Variants in CAPN13 observed in about 807,000 individuals in gnomAD.
CAPN13 encodes calpain-13.
Under a neutral mutation model 98.4 loss-of-function variants are expected in CAPN13, and 90 were observed. The ratio of observed to expected loss-of-function variants is 0.92; its 90% confidence interval spans 0.77 to 1.09. The LOEUF is 1.09. Ranked by LOEUF, CAPN13 falls within the 50% of genes least tolerant of loss-of-function variation. The pLI is 0.00. For synonymous variants in CAPN13, 330 were observed against 305.5 expected, an observed-to-expected ratio of 1.08 and a Z score of -0.84; for missense variants, 887 against 841.3, an observed-to-expected ratio of 1.05 and a Z score of -0.67.
intron 7 of CAPN13, among the ~76,000 whole-genome samples, chr2:30,760,001 T>C (rs897149514): frequency 6.6e-6 from 1 of 152,222 alleles, no homozygotes; most frequent in Non-Finnish European, 1.5e-5. Context: ...TGACTTGCAA[T>C]GCCTCCAAGA....
intron 14 of CAPN13, 21 bp downstream of exon 14, chr2:30,742,305 C>G (rs986068157): frequency 3.8e-6 from 6 of 1,598,566 alleles, no homozygotes; most frequent in Admixed American, 3.5e-5. Flanking sequence ...GCTCGCCAGC[C>G]AAACCTTGCT....
chr2:30,770,499 C>T (rs1312018052), intron 4 of CAPN13, 50 bp from the exon 5 acceptor site: 5 of 1,594,312 alleles, frequency 3.1e-6, no homozygotes, highest in South Asian at 1.1e-5. Context: ...CAGAAGGGAG[C>T]TCCTGGGTCC....
At chr2:30,805,922 A>T (rs754741461) in intron 1 of CAPN13, among the ~76,000 whole-genome samples, 5 of 151,634 alleles carry the variant, frequency 3.3e-5, no homozygotes, top group Non-Finnish European at 5.9e-5. Context: ...ACATGTAGCT[A>T]ATATTTTTTC....
intron 12 of CAPN13, among the ~76,000 whole-genome samples, chr2:30,744,374 C>T (rs1671806446): frequency 6.6e-6 from 1 of 152,202 alleles, no homozygotes; most frequent in African/African-American, 2.4e-5. Context: ...GGGAGGGTGG[C>T]ATCTCCAACG....
At chr2:30,729,842 T>C (rs1670998522) in intron 22 of CAPN13, 1 of 152,140 alleles carries the variant, frequency 6.6e-6, no homozygotes, top group South Asian at 2.1e-4. Flanking sequence ...AAGAACTGTA[T>C]ACTTCGAAGG....
At chr2:30,769,724 C>T (rs1419300809) in intron 5 of CAPN13, among the ~76,000 whole-genome samples, 1 of 152,174 alleles carries the variant, frequency 6.6e-6, no homozygotes, top group Non-Finnish European at 1.5e-5. Flanking sequence ...AAAGGCAGTT[C>T]CTAAGTTATG....
chr2:30,740,397 T>C (rs1395059002), intron 15 of CAPN13, among the ~76,000 whole-genome samples: 1 of 152,152 alleles, frequency 6.6e-6, no homozygotes, highest in African/African-American at 2.4e-5. Flanking sequence ...CCGGCAACCA[T>C]TGTATTAGTT....
chr2:30,801,202 T>G (rs1487552348), intron 1 of CAPN13, among the ~76,000 whole-genome samples: 2 of 152,182 alleles, frequency 1.3e-5, no homozygotes, highest in African/African-American at 4.8e-5. Flanking sequence ...TCTTTTTCCT[T>G]TCTTATTTTT....
intron 2 of CAPN13, among the ~76,000 whole-genome samples, chr2:30,785,643 G>A (rs1674235717): frequency 1.3e-5 from 2 of 152,084 alleles, no homozygotes; most frequent in Non-Finnish European, 1.5e-5. Context: ...GAGTTGTTGT[G>A]AGATTCAGAT....
In CAPN13 at chr2:30,785,557, C is replaced by G. The variant is rs144940394; in HGVS notation, c.198+1571G>C. 1.0e-3 allele frequency among the ~76,000 whole-genome samples: 152 copies of G among 152,284 alleles called. No individual in the cohort carries two copies. The Middle Eastern group carries it at 0.01, about 10-fold the overall frequency. Reference sequence around the variant, plus strand: ...CCCTGGCTGCCTCTATTTTGGGTTCCTGGCATTATTCTTTATAAGTAATTT... The same window carrying G: ...CCCTGGCTGCCTCTATTTTGGGTTCGTGGCATTATTCTTTATAAGTAATTT... On this transcript the variant is annotated intron_variant, in intron 2 of 22. Coordinates refer to ENST00000295055, the MANE Select transcript of CAPN13 (RefSeq NM_144575.3).
intron 6 of CAPN13, 62 bp downstream of exon 6, chr2:30,764,070 G>A: frequency 2.7e-6 from 4 of 1,485,794 alleles, no homozygotes; most frequent in South Asian, 2.6e-5. Flanking sequence ...ATGGACCCCT[G>A]GCTGAGCATT....
chr2:30,764,405 G>T lies in CAPN13; in HGVS notation c.525-99C>A. The T allele has an allele frequency of 3.0e-6, 4 of 1,351,354 alleles. No individual in the cohort carries two copies. The South Asian group carries it at 4.1e-5, about 14-fold the overall frequency. 83.7% of individuals were successfully genotyped at this position (1,351,354 alleles called of 1,614,324 possible). On this transcript the variant is annotated intron_variant, in intron 5 of 22. Coordinates refer to ENST00000295055, the MANE Select transcript of CAPN13 (RefSeq NM_144575.3). ...TCCTCTGCCTATTTCCCAGGTAAGG[G>T]GCTGCCTGGTCCACTCCTGATCATG...
intron 15 of CAPN13, among the ~76,000 whole-genome samples, chr2:30,739,751 G>T (rs759663534): frequency 6.6e-6 from 1 of 152,172 alleles, no homozygotes; most frequent in East Asian, 1.9e-4. Context: ...AGCCTGCCCC[G>T]GGTCCTGCAC....
At chr2:30,724,260 C>T (rs747162816) in intron 22 of CAPN13, among the ~76,000 whole-genome samples, 45 of 152,146 alleles carry the variant, frequency 3.0e-4, no homozygotes, top group Admixed American at 1.8e-3. Context: ...ACTCTTTATT[C>T]TTCCAGGAGT....
chr2:30,741,485 T>A, intron 15 of CAPN13: 1 of 1,029,012 alleles, frequency 9.7e-7, no homozygotes, highest in Non-Finnish European at 1.2e-6. Context: ...TGTGTGCACA[T>A]AGGTGGTTTG....
intron 1 of CAPN13, among the ~76,000 whole-genome samples, chr2:30,791,666 TA>T (rs1175606377): frequency 6.6e-6 from 1 of 152,246 alleles, no homozygotes; most frequent in African/African-American, 2.4e-5. Flanking sequence ...AAAAGATGCA[TA>T]AGAGTTAAGT....
intron 1 of CAPN13, among the ~76,000 whole-genome samples, chr2:30,803,625 A>G (rs1572897188): frequency 1.3e-5 from 2 of 152,338 alleles, no homozygotes; most frequent in East Asian, 3.9e-4. Context: ...CCTTAGAGGC[A>G]GCTCGTCACC....
intron 5 of CAPN13, among the ~76,000 whole-genome samples, chr2:30,767,855 C>T (rs1558323508): frequency 6.6e-6 from 1 of 152,202 alleles, no homozygotes; most frequent in Non-Finnish European, 1.5e-5. Context: ...CAGGACTGCA[C>T]TCGGCAAGGC....
Position 30,732,426 on chromosome 2 carries a change from G to A in CAPN13, c.1927+12C>T, listed in dbSNP as rs760385374. The A allele has an allele frequency of 1.7e-5, 27 of 1,612,804 alleles. No homozygotes were observed. The South Asian group carries it at 2.7e-4, about 16-fold the overall frequency. ...TGCCAAGGTCTCTGGGATGCCCCTTGGGGACACTTACTTGCCATGGCTTCA... is the reference window on the plus strand; with the variant it reads ...TGCCAAGGTCTCTGGGATGCCCCTTAGGGACACTTACTTGCCATGGCTTCA... On this transcript the variant is annotated intron_variant, in intron 20 of 22. Coordinates refer to ENST00000295055, the MANE Select transcript of CAPN13 (RefSeq NM_144575.3).
Sources: gnomAD v4.1 joint callset for allele counts (sites outside exome capture counted in the v4.1 genomes callset) on GRCh38, gnomAD v4.1.1 for gene constraint, MANE v1.5 for transcripts, NCBI Gene and HGNC (gene_info 2026-07-23, HGNC 2026-07-21) for gene names.